DNM3: variants seen among roughly 807,000 people sequenced by gnomAD.
The protein encoded by DNM3 is dynamin 3.
A neutral mutation model predicts 101.6 loss-of-function variants in DNM3; 47 were observed. The ratio of observed to expected loss-of-function variants is 0.46; its 90% CI spans 0.37 to 0.59. The LOEUF is 0.59. DNM3 is among the 20% of genes least tolerant of loss of function. The pLI is 0.00. For missense variants in DNM3, 849 were observed against 1,085.7 expected, an observed-to-expected ratio of 0.78 and a Z score of 3.06; for synonymous variants, 385 against 387.9, an observed-to-expected ratio of 0.99 and a Z score of 0.09.
chr1:171,868,251 G>T (rs750790835), intron 1 of DNM3, among the ~76,000 whole-genome samples: 1 of 152,076 alleles, frequency 6.6e-6, no homozygotes, highest in South Asian at 2.1e-4. Context: ...TCTCTTAGGG[G>T]TAATCAGTTT....
At chr1:172,378,639 A>G (rs2068736352) in intron 17 of DNM3, among the ~76,000 whole-genome samples, 1 of 151,834 alleles carries the variant, frequency 6.6e-6, no homozygotes, top group South Asian at 2.1e-4. Flanking sequence ...TTCCCTGGAG[A>G]CTCCTCTCAG....
intron 17 of DNM3, among the ~76,000 whole-genome samples, chr1:172,365,937 A>C (rs1462443095): frequency 6.6e-6 from 1 of 151,988 alleles, no homozygotes; most frequent in African/African-American, 2.4e-5. Flanking sequence ...ATATACATTC[A>C]GACATGCTAG....
At chr1:172,157,901 G>A (rs2058400703) in intron 14 of DNM3, among the ~76,000 whole-genome samples, 1 of 151,936 alleles carries the variant, frequency 6.6e-6, no homozygotes, top group Non-Finnish European at 1.5e-5. Flanking sequence ...TTAACATTCA[G>A]TAAATTCACT....
In DNM3 at chr1:172,182,820, C is replaced by T. The variant is rs140487568; in HGVS notation, c.1659+51532C>T. Reference sequence around the variant, plus strand: ...AATCTTTTATACCATTGCAGGAAGGCTTAAGGACCCCAATCGTCAGTTTTC... The same window carrying T: ...AATCTTTTATACCATTGCAGGAAGGTTTAAGGACCCCAATCGTCAGTTTTC... On this transcript the variant is annotated intron_variant, in intron 14 of 20. Coordinates refer to ENST00000627582, the MANE Select transcript of DNM3 (RefSeq NM_015569.5). Among the ~76,000 whole-genome samples, 537 of 152,172 alleles carry T rather than the reference C, an allele frequency of 3.5e-3. 13 individuals carry two copies. The East Asian group carries it at 0.058, about 16-fold the overall frequency.
chr1:171,874,352 C>A (rs2035567385), intron 1 of DNM3, among the ~76,000 whole-genome samples: 1 of 151,906 alleles, frequency 6.6e-6, no homozygotes, highest in African/African-American at 2.4e-5. Context: ...ATTGGGGAAA[C>A]CAGCAGTTTT....
intron 9 of DNM3, among the ~76,000 whole-genome samples, chr1:172,046,417 AG>A (rs1451631634): frequency 6.6e-6 from 1 of 152,054 alleles, no homozygotes; most frequent in African/African-American, 2.4e-5. Flanking sequence ...GGGTGGGAGT[AG>A]GGGGGAGGGA....
chr1:172,241,751 T>C (rs1278136492), intron 14 of DNM3, among the ~76,000 whole-genome samples: 1 of 152,114 alleles, frequency 6.6e-6, no homozygotes, highest in Non-Finnish European at 1.5e-5. Context: ...ACCTCTGCTG[T>C]GATTCAGGCC....
intron 17 of DNM3, among the ~76,000 whole-genome samples, chr1:172,357,130 A>G (rs1558038243): frequency 6.6e-6 from 1 of 152,126 alleles, no homozygotes; most frequent in East Asian, 1.9e-4. Context: ...TAATTAATTT[A>G]GAAGAGAAGA....
chr1:172,141,073 TGTCTTCTAA>T (rs2057551990), intron 14 of DNM3, among the ~76,000 whole-genome samples: 1 of 152,036 alleles, frequency 6.6e-6, no homozygotes, highest in South Asian at 2.1e-4. Flanking sequence ...AGAAAAGAAT[TGTCTTCTAA>T]GTCTTCTGTA....
intron 10 of DNM3, 85 bp downstream of exon 10, chr1:172,048,835 C>A: frequency 1.3e-6 from 2 of 1,487,550 alleles, no homozygotes; most frequent in Non-Finnish European, 1.8e-6. Flanking sequence ...CTTTCCCTGA[C>A]CCTCACTTTG....
chr1:171,865,911 TA>T (rs1397104059), intron 1 of DNM3, among the ~76,000 whole-genome samples: 7 of 152,200 alleles, frequency 4.6e-5, no homozygotes, highest in African/African-American at 7.2e-5. Context: ...GATTTCAATG[TA>T]AATACTCATA....
chr1:172,313,500 G>T (rs1175339306), intron 16 of DNM3, among the ~76,000 whole-genome samples: 1 of 152,160 alleles, frequency 6.6e-6, no homozygotes, highest in East Asian at 1.9e-4. Flanking sequence ...AAACATGAAA[G>T]AATTCTGAAT....
rs1353292080 is a variant in DNM3 at position 172,408,684 on chromosome 1, T to C, written c.*843T>C. On this transcript the variant is annotated 3_prime_UTR_variant, in exon 21 of 21. Transcript: ENST00000627582. ...AGGCTGACATGGAGAATGTTTACTT[T>C]TCTATTTGGCATAGCTAACTACACT... 5.1e-6 allele frequency: 5 copies of C among 984,906 alleles called. No homozygotes were observed. The highest frequency in any genetic ancestry group is 6.0e-6 in the Non-Finnish European group (5 of 829,578). 61.0% of individuals were successfully genotyped at this position (984,906 alleles called of 1,614,324 possible).
intron 4 of DNM3, among the ~76,000 whole-genome samples, chr1:172,010,706 G>A (rs1194412118): frequency 2.1e-5 from 3 of 145,240 alleles, no homozygotes; most frequent in Admixed American, 1.4e-4. Flanking sequence ...GTGTGTGTGT[G>A]TGTGTGTGTG....
intron 14 of DNM3, among the ~76,000 whole-genome samples, chr1:172,155,999 C>G (rs1362353706): frequency 6.6e-6 from 1 of 152,124 alleles, no homozygotes; most frequent in East Asian, 1.9e-4. Flanking sequence ...TGCTGTGTGA[C>G]TTGGTGAATG....
chr1:171,938,850 A>T (rs1046595171), intron 2 of DNM3, among the ~76,000 whole-genome samples: 1 of 152,178 alleles, frequency 6.6e-6, no homozygotes, highest in South Asian at 2.1e-4. Context: ...AGTTGGTGCT[A>T]TCTGGGACTG....
rs535987538 is a variant in DNM3 at position 172,351,549 on chromosome 1, A to T, written c.1894-27469A>T. Among the ~76,000 whole-genome samples the T allele has an allele frequency of 2.0e-5, 3 of 152,278 alleles. No homozygotes were observed. The South Asian group carries it at 6.2e-4, about 32-fold the overall frequency. On this transcript the variant is annotated intron_variant, in intron 17 of 20. Coordinates refer to ENST00000627582, the MANE Select transcript of DNM3 (RefSeq NM_015569.5). ...TCTGCATAAACCATTGGCTCAAAAAAATTCTTCAGGCTGAAACTTGATATA... is the reference window on the plus strand; with the variant it reads ...TCTGCATAAACCATTGGCTCAAAAATATTCTTCAGGCTGAAACTTGATATA...
At position 172,411,161 on chromosome 1, in the gene DNM3, TA is replaced by T. The variant is rs1373106801; in HGVS notation, c.*3321del. Reference sequence around the variant, plus strand: ...GTACTTAGTATGTGTGGTATCAGGATATTTTTTAAACTGTGATAATACAACA... The same window carrying T: ...GTACTTAGTATGTGTGGTATCAGGATTTTTTTAAACTGTGATAATACAACA... On this transcript the variant is annotated 3_prime_UTR_variant, in exon 21 of 21. Transcript: ENST00000627582. 6 of 985,116 alleles carry T rather than the reference TA, an allele frequency of 6.1e-6. No individual in the cohort carries two copies. In the African/African-American group the frequency reaches 1.0e-4, roughly 17 times the overall value. 61.0% of individuals were successfully genotyped at this position (985,116 alleles called of 1,614,324 possible).
chr1:172,059,083 T>C (rs1160349134), intron 10 of DNM3, among the ~76,000 whole-genome samples: 2 of 151,758 alleles, frequency 1.3e-5, no homozygotes, highest in African/African-American at 4.8e-5. Flanking sequence ...GCAAATAAAC[T>C]AGAAAATCTA....
Sources: gnomAD v4.1 joint callset for allele counts (sites outside exome capture counted in the v4.1 genomes callset) on GRCh38, gnomAD v4.1.1 for gene constraint, MANE v1.5 for transcripts, NCBI Gene and HGNC (gene_info 2026-07-23, HGNC 2026-07-21) for gene names.